BARD1: variants seen among roughly 807,000 people sequenced by gnomAD.
BARD1 encodes the protein BRCA1-associated RING domain protein 1.
In BARD1, 73 loss-of-function variants were observed where a neutral mutation model predicts 77.0. That is an observed-to-expected ratio of 0.95 (90% CI 0.79 to 1.15). BARD1 has a LOEUF of 1.15. Among genes scored for constraint, BARD1 ranks in the 50% most tolerant of loss-of-function variants. The pLI, the probability that BARD1 is intolerant of heterozygous loss-of-function variation, is 0.00. For synonymous variants in BARD1, 384 were observed against 338.0 expected (o/e 1.14, Z -1.49); for missense variants, 993 against 938.8 (o/e 1.06, Z -0.75).
At position 214,728,582 on chromosome 2, in the gene BARD1, C is replaced by G; in HGVS notation, c.*94G>C. On this transcript the variant is annotated 3_prime_UTR_variant, in exon 11 of 11. Coordinates refer to ENST00000260947, the MANE Select transcript of BARD1 (RefSeq NM_000465.4). ...CAAAGACAAATATGAATGACTCTACCTATTTGTAAAAATGTGAACATTAAA... is the reference window on the plus strand; with the variant it reads ...CAAAGACAAATATGAATGACTCTACGTATTTGTAAAAATGTGAACATTAAA... 1 of 1,154,328 alleles carries G rather than the reference C, an allele frequency of 8.7e-7. No homozygotes were observed. The highest frequency in any genetic ancestry group is 1.2e-6 in the Non-Finnish European group (1 of 800,304). The allele number at this position is 1,154,328 out of a possible 1,614,324, so 71.5% of individuals were successfully genotyped here. A position where few individuals can be genotyped will look rare whatever the true frequency, so the allele number is the denominator to read the frequency against.
chr2:214,760,976 G>A lies in BARD1; in HGVS notation c.1568+6506C>T, dbSNP rs566118826. 5.5e-4 allele frequency among the ~76,000 whole-genome samples: 83 copies of A among 150,596 alleles called. 1 individual carries two copies. Among genetic ancestry groups the A allele is most frequent in the Admixed American group, 1.1e-3 (17 of 15,134 alleles). On this transcript the variant is annotated intron_variant, in intron 6 of 10. Transcript: ENST00000260947. Reference sequence around the variant, plus strand: ...TTTTTAGTAGAGACGGGGTTTCACCGTGTTAGCCAGAATGGTCTCGATCTC... The same window carrying A: ...TTTTTAGTAGAGACGGGGTTTCACCATGTTAGCCAGAATGGTCTCGATCTC...
intron 7 of BARD1, among the ~76,000 whole-genome samples, chr2:214,747,265 A>C (rs1198654405): frequency 2.0e-5 from 3 of 151,890 alleles, no homozygotes; most frequent in African/African-American, 7.3e-5. Context: ...GTGGGACTGT[A>C]AACTAGTTCA....
rs549230148 is a variant in BARD1, at chr2:214,776,348, T to A, written c.1314+4212A>T. On this transcript the variant is annotated intron_variant, in intron 4 of 10. Transcript: ENST00000260947. ...AGTATTTTGTTTTCTATTGGGTTGG[T>A]GCAAAAGTAATTGTGGTAATAAATC... Among the ~76,000 whole-genome samples the A allele has an allele frequency of 2.5e-3, 379 of 152,172 alleles. 2 individuals are homozygous for A. The highest frequency in any genetic ancestry group is 4.4e-3 in the Non-Finnish European group (300 of 68,032).
At chr2:214,731,374 G>C (rs1052077484) in intron 9 of BARD1, among the ~76,000 whole-genome samples, 5 of 152,140 alleles carry the variant, frequency 3.3e-5, no homozygotes, top group African/African-American at 1.2e-4. Flanking sequence ...GAAGGACATG[G>C]TCAGCTTCAG....
intron 1 of BARD1, among the ~76,000 whole-genome samples, chr2:214,808,767 A>T (rs2106168683): frequency 6.6e-6 from 1 of 152,378 alleles, no homozygotes; most frequent in African/African-American, 2.4e-5. Context: ...CCATAATGTG[A>T]CAGCATGAAG....
At chr2:214,733,297 T>C (rs1020085869) in intron 9 of BARD1, among the ~76,000 whole-genome samples, 6 of 152,216 alleles carry the variant, frequency 3.9e-5, no homozygotes, top group African/African-American at 1.4e-4. Flanking sequence ...CGTACATAAT[T>C]AGGTATATCT....
chr2:214,771,154 T>C (rs1574796906), intron 4 of BARD1, among the ~76,000 whole-genome samples: 1 of 152,112 alleles, frequency 6.6e-6, no homozygotes, highest in South Asian at 2.1e-4. Context: ...TCAGTTCTTT[T>C]AGGATAACAG....
At chr2:214,803,643 C>CA (rs1467093935) in intron 1 of BARD1, among the ~76,000 whole-genome samples, 1 of 152,222 alleles carries the variant, frequency 6.6e-6, no homozygotes, top group African/African-American at 2.4e-5. Flanking sequence ...GACCCTGACA[C>CA]ATCCCCCTCT....
intron 9 of BARD1, among the ~76,000 whole-genome samples, chr2:214,741,069 T>C (rs1202667958): frequency 6.6e-6 from 1 of 152,130 alleles, no homozygotes; most frequent in Non-Finnish European, 1.5e-5. Context: ...AATGATGATG[T>C]AATGATTGTC....
rs571447546 is a variant in BARD1 at position 214,738,566 on chromosome 2, T to C, written c.1903+6501A>G. ...CATCAGTAGATGTATATTTCTGTTTTAGCTGCATGGACCACTGATGATGGT... is the reference window on the plus strand; with the variant it reads ...CATCAGTAGATGTATATTTCTGTTTCAGCTGCATGGACCACTGATGATGGT... On this transcript the variant is annotated intron_variant, in intron 9 of 10. Coordinates refer to ENST00000260947, the MANE Select transcript of BARD1 (RefSeq NM_000465.4). 2.6e-4 allele frequency among the ~76,000 whole-genome samples: 40 copies of C among 152,288 alleles called. No homozygotes were observed. In the South Asian group the frequency reaches 7.9e-3, roughly 30 times the overall value.
At chr2:214,793,924 T>C (rs1036984779) in intron 2 of BARD1, among the ~76,000 whole-genome samples, 1 of 152,060 alleles carries the variant, frequency 6.6e-6, no homozygotes, top group African/African-American at 2.4e-5. Context: ...ATTGATATAG[T>C]TTCAGATTCC....
intron 3 of BARD1, among the ~76,000 whole-genome samples, chr2:214,785,926 AAG>A (rs902160377): frequency 6.6e-6 from 1 of 151,734 alleles, no homozygotes; most frequent in African/African-American, 2.4e-5. Flanking sequence ...AAAGAAAGAG[AAG>A]AGAGAGAGAG....
rs1449269582 is a variant in BARD1, at chr2:214,780,998, C to T, written c.876G>A (p.Lys292=). Residue 292 remains lysine (K), a synonymous_variant, in exon 4 of 11, where the codon AAG becomes AAA. Transcript: ENST00000260947. ...LAEQIESPDT[K]SRNEVVTPEK... Reference sequence around the variant, plus strand: ...CAGGAGTCACTACTTCATTCCTGCTCTTAGTGTCTGGAGACTCTATTTGCT... The same window carrying T: ...CAGGAGTCACTACTTCATTCCTGCTTTTAGTGTCTGGAGACTCTATTTGCT... 6.2e-7 allele frequency: 1 copy of T among 1,613,222 alleles called. No individual in the cohort carries two copies. The highest frequency in any genetic ancestry group is 8.5e-7 in the Non-Finnish European group (1 of 1,179,508).
chr2:214,737,520 G>C (rs1692619970), intron 9 of BARD1, among the ~76,000 whole-genome samples: 1 of 152,104 alleles, frequency 6.6e-6, no homozygotes, highest in African/African-American at 2.4e-5. Context: ...ATCTGAAACT[G>C]TGAGTTTCAG....
In BARD1 at chr2:214,728,527, T is replaced by C; in HGVS notation, c.*149A>G. ...GTAAACATAACATGAATTCCTAATC[T>C]GGCATTAGACTTTTTTTTTTTTTTT... On this transcript the variant is annotated 3_prime_UTR_variant, in exon 11 of 11. Coordinates refer to ENST00000260947, the MANE Select transcript of BARD1 (RefSeq NM_000465.4). The C allele has an allele frequency of 1.5e-6, 1 of 686,348 alleles. No individual in the cohort carries two copies. 42.5% of individuals were successfully genotyped at this position (686,348 alleles called of 1,614,324 possible). A position where few individuals can be genotyped will look rare whatever the true frequency, so the allele number is the denominator to read the frequency against.
chr2:214,731,058 G>A (rs1290450996), intron 9 of BARD1: 6 of 314,768 alleles, frequency 1.9e-5, no homozygotes, highest in Admixed American at 1.4e-4. Flanking sequence ...TAAACAAGCA[G>A]AGCTTGGGAT....
intron 3 of BARD1, among the ~76,000 whole-genome samples, chr2:214,788,689 C>G (rs1188996310): frequency 6.6e-6 from 1 of 152,044 alleles, no homozygotes; most frequent in Non-Finnish European, 1.5e-5. Flanking sequence ...CAGAATCATA[C>G]AATTTTGGAG....
chr2:214,758,275 AAAT>A (rs1693792593), intron 6 of BARD1, among the ~76,000 whole-genome samples: 1 of 152,196 alleles, frequency 6.6e-6, no homozygotes, highest in African/African-American at 2.4e-5. Flanking sequence ...TATAAGATGG[AAAT>A]AATAACACTA....
At chr2:214,768,896 G>A (rs1694341195) in intron 5 of BARD1, among the ~76,000 whole-genome samples, 2 of 152,060 alleles carry the variant, frequency 1.3e-5, no homozygotes, top group South Asian at 4.1e-4. Flanking sequence ...ACCTCTTTTT[G>A]TTCCAAGAAA....
Sources: allele counts gnomAD v4.1 joint callset (sites outside exome capture counted in the v4.1 genomes callset), GRCh38; gene constraint gnomAD v4.1.1; transcripts MANE v1.5; gene names NCBI Gene and HGNC (gene_info 2026-07-23, HGNC 2026-07-21).